Variants in OXSR1 observed in about 807,000 individuals in gnomAD.
OXSR1 encodes oxidative stress responsive kinase 1.
In OXSR1, 24 loss-of-function variants were observed where a neutral mutation model predicts 79.8. The observed-to-expected ratio is 0.30, with a 90% CI of 0.22 to 0.42. The LOEUF (loss-of-function observed/expected upper bound fraction) is 0.42. OXSR1 is among the 10% of genes least tolerant of loss of function. The pLI, the probability that OXSR1 is intolerant of heterozygous loss-of-function variation, is 1.00. For missense variants in OXSR1, 430 were observed against 618.4 expected (o/e 0.70, Z 3.23); for synonymous variants, 226 against 209.2 (o/e 1.08, Z -0.69).
chr3:38,191,256 G>T (rs993730504), intron 3 of OXSR1, among the ~76,000 whole-genome samples: 5 of 151,606 alleles, frequency 3.3e-5, no homozygotes, highest in African/African-American at 1.2e-4. Flanking sequence ...TTGGAGATGG[G>T]GTCTCACTAT....
intron 14 of OXSR1, among the ~76,000 whole-genome samples, chr3:38,248,126 AG>A (rs921817960): frequency 2.6e-5 from 4 of 152,118 alleles, no homozygotes; most frequent in African/African-American, 9.7e-5. Context: ...CTAACCCAAG[AG>A]GGGAGCACTT....
intron 10 of OXSR1, among the ~76,000 whole-genome samples, chr3:38,233,776 G>A (rs537843678): frequency 1.1e-4 from 16 of 152,056 alleles, no homozygotes; most frequent in Non-Finnish European, 2.2e-4. Context: ...GCTGGGCATG[G>A]TGGCATGTGC....
chr3:38,190,047 G>C (rs1460463931), intron 2 of OXSR1, among the ~76,000 whole-genome samples: 1 of 152,198 alleles, frequency 6.6e-6, no homozygotes, highest in African/African-American at 2.4e-5. Flanking sequence ...ATTGGAGTTA[G>C]CTAAGCAGAG....
intron 10 of OXSR1, among the ~76,000 whole-genome samples, chr3:38,232,947 T>C (rs116765412): frequency 2.4e-3 from 370 of 152,244 alleles, no homozygotes; most frequent in Non-Finnish European, 4.1e-3. Context: ...AGCTACCATA[T>C]ACAACAGAAC....
intron 5 of OXSR1, among the ~76,000 whole-genome samples, chr3:38,217,392 A>T (rs931351453): frequency 6.6e-6 from 1 of 152,214 alleles, no homozygotes; most frequent in South Asian, 2.1e-4. Flanking sequence ...CTAGGTGTAT[A>T]GCCCAGAGAA....
intron 6 of OXSR1, among the ~76,000 whole-genome samples, chr3:38,223,459 T>G (rs1702628807): frequency 6.6e-6 from 1 of 151,088 alleles, no homozygotes; most frequent in African/African-American, 2.4e-5. Flanking sequence ...TTTTTTTTTT[T>G]GAGGTGGAAT....
chr3:38,191,651 T>C (rs1325000439), intron 3 of OXSR1, among the ~76,000 whole-genome samples: 1 of 152,220 alleles, frequency 6.6e-6, no homozygotes, highest in Non-Finnish European at 1.5e-5. Context: ...ATTTGCTATC[T>C]GGTTGAATCT....
chr3:38,234,485 A>T (rs750861026), intron 10 of OXSR1, among the ~76,000 whole-genome samples: 1 of 152,266 alleles, frequency 6.6e-6, no homozygotes, highest in African/African-American at 2.4e-5. Flanking sequence ...CAATAAACAC[A>T]TGAAAAGATA....
intron 11 of OXSR1, among the ~76,000 whole-genome samples, chr3:38,240,411 T>C (rs919821670): frequency 6.6e-6 from 1 of 151,978 alleles, no homozygotes; most frequent in Admixed American, 6.6e-5. Flanking sequence ...ATTGGAGGCA[T>C]TGGTGTGAAT....
chr3:38,206,520 A>T (rs1702266287), intron 4 of OXSR1, among the ~76,000 whole-genome samples: 1 of 151,868 alleles, frequency 6.6e-6, no homozygotes. Flanking sequence ...AAAAAGAGAC[A>T]ATGACCCTAA....
chr3:38,181,005 C>T (rs1444544113), intron 1 of OXSR1, among the ~76,000 whole-genome samples: 1 of 152,128 alleles, frequency 6.6e-6, no homozygotes, highest in Non-Finnish European at 1.5e-5. Context: ...CATATGGTAA[C>T]ATTCACAGGC....
intron 5 of OXSR1, among the ~76,000 whole-genome samples, chr3:38,220,178 T>C (rs1008938657): frequency 2.6e-5 from 4 of 152,140 alleles, no homozygotes; most frequent in Non-Finnish European, 5.9e-5. Flanking sequence ...AAAACTGTAC[T>C]ATATAGACTT....
intron 5 of OXSR1, among the ~76,000 whole-genome samples, chr3:38,219,164 G>A (rs916395692): frequency 2.6e-5 from 4 of 152,070 alleles, no homozygotes; most frequent in South Asian, 2.1e-4. Context: ...TTTGGTAAAG[G>A]GGGTATTATC....
intron 1 of OXSR1, among the ~76,000 whole-genome samples, chr3:38,180,554 C>G (rs1437989988): frequency 8.6e-6 from 1 of 116,040 alleles, no homozygotes; most frequent in African/African-American, 3.4e-5. Context: ...TTTTTTGAGA[C>G]AGAGTATCAC....
intron 10 of OXSR1, 87 bp downstream of exon 10, chr3:38,230,517 T>A (rs1575359191): frequency 1.2e-6 from 1 of 840,498 alleles, no homozygotes; most frequent in East Asian, 2.5e-5. Flanking sequence ...TTGTTAATAG[T>A]ATATGAGAAT....
chr3:38,166,985 T>A (rs1452571450), intron 1 of OXSR1, among the ~76,000 whole-genome samples: 1 of 152,022 alleles, frequency 6.6e-6, no homozygotes, highest in Non-Finnish European at 1.5e-5. Flanking sequence ...TCGGGAAGAT[T>A]TTTCCTTACA....
intron 8 of OXSR1, among the ~76,000 whole-genome samples, chr3:38,225,651 A>G (rs1470565803): frequency 2.0e-5 from 3 of 152,174 alleles, no homozygotes; most frequent in Non-Finnish European, 2.9e-5. Flanking sequence ...TAAAGGAACA[A>G]AATTATCCTG....
chr3:38,209,212 C>T (rs1687870942), intron 4 of OXSR1, among the ~76,000 whole-genome samples: 1 of 151,800 alleles, frequency 6.6e-6, no homozygotes, highest in Non-Finnish European at 1.5e-5. Flanking sequence ...TCTTTTTCAG[C>T]CTTATTTGGT....
At chr3:38,183,412 C>T (rs1701823736) in intron 2 of OXSR1, among the ~76,000 whole-genome samples, 1 of 152,078 alleles carries the variant, frequency 6.6e-6, no homozygotes. Context: ...AATAATTTAT[C>T]ATAGAACTTT....
Sources: gnomAD v4.1 joint callset for allele counts (sites outside exome capture counted in the v4.1 genomes callset) on GRCh38, gnomAD v4.1.1 for gene constraint, MANE v1.5 for transcripts, NCBI Gene and HGNC (gene_info 2026-07-23, HGNC 2026-07-21) for gene names.